PDSS2: variants seen among roughly 807,000 people sequenced by gnomAD.
PDSS2 encodes decaprenyl diphosphate synthase subunit 2.
Under a neutral mutation model 44.5 loss-of-function variants are expected in PDSS2, and 31 were observed. That is an observed-to-expected ratio of 0.70 (90% CI 0.52 to 0.94). The LOEUF is 0.94. Among genes scored for constraint, PDSS2 ranks in the 40% least tolerant of loss-of-function variants. The pLI is 0.00. For synonymous variants in PDSS2, 157 were observed against 180.3 expected (o/e 0.87, Z 1.03); for missense variants, 452 against 482.2 (o/e 0.94, Z 0.59).
chr6:107,254,244 G>T (rs1774929191), intron 3 of PDSS2, among the ~76,000 whole-genome samples: 1 of 151,826 alleles, frequency 6.6e-6, no homozygotes, highest in Non-Finnish European at 1.5e-5. Context: ...ATGTTGGTCA[G>T]GCTGGTCTTG....
chr6:107,281,487 C>T (rs940761084), intron 2 of PDSS2, among the ~76,000 whole-genome samples: 1 of 152,164 alleles, frequency 6.6e-6, no homozygotes, highest in Admixed American at 6.5e-5. Context: ...GTTCATAATT[C>T]TGCACTCTGG....
At chr6:107,195,214 C>T (rs948306631) in intron 6 of PDSS2, among the ~76,000 whole-genome samples, 3 of 152,006 alleles carry the variant, frequency 2.0e-5, no homozygotes, top group Non-Finnish European at 2.9e-5. Flanking sequence ...GGCACAGTGG[C>T]TCATGCGTGT....
chr6:107,262,277 C>T (rs1007477492), intron 3 of PDSS2, among the ~76,000 whole-genome samples: 2 of 152,090 alleles, frequency 1.3e-5, no homozygotes, highest in Admixed American at 1.3e-4. Context: ...TTAATTTCAC[C>T]TCACGTAATC....
intron 1 of PDSS2, among the ~76,000 whole-genome samples, chr6:107,372,701 C>T (rs568326934): frequency 6.6e-6 from 1 of 152,300 alleles, no homozygotes; most frequent in East Asian, 1.9e-4. Flanking sequence ...ATCTGCCCGC[C>T]TCGGCCTCCC....
intron 1 of PDSS2, among the ~76,000 whole-genome samples, chr6:107,446,527 G>C (rs919328560): frequency 2.6e-5 from 4 of 152,074 alleles, no homozygotes; most frequent in African/African-American, 9.7e-5. Flanking sequence ...GGTGTATAGA[G>C]TTCTTTGCAA....
chr6:107,286,136 T>TAAAATAAATAA (rs67225192), intron 2 of PDSS2, among the ~76,000 whole-genome samples: 1 of 128,744 alleles, frequency 7.8e-6, no homozygotes, highest in African/African-American at 3.1e-5. Context: ...CGTCGCAAAA[T>TAAAATAAATAA]AAAAAAAAAA....
rs953852742 is a variant in PDSS2 at position 107,186,755 on chromosome 6, T to C, written c.1041+7067A>G. ...TTAGTTTGCTGAGAATGATGGCTTC[T>C]AGCTTCATCCGTATCCCTGCAAAGG... On this transcript the variant is annotated intron_variant, in intron 7 of 7. Transcript: ENST00000369037. Among the ~76,000 whole-genome samples the C allele has an allele frequency of 3.9e-5, 6 of 152,186 alleles. 1 individual carries two copies. The highest frequency in any genetic ancestry group is 1.2e-4 in the African/African-American group (5 of 41,442).
At chr6:107,442,160 T>C (rs1416008794) in intron 1 of PDSS2, among the ~76,000 whole-genome samples, 1 of 152,208 alleles carries the variant, frequency 6.6e-6, no homozygotes, top group Non-Finnish European at 1.5e-5. Context: ...CTCACACCTG[T>C]AATCCCAACA....
intron 2 of PDSS2, among the ~76,000 whole-genome samples, chr6:107,288,784 G>C (rs1776245163): frequency 8.5e-6 from 1 of 117,718 alleles, no homozygotes; most frequent in Non-Finnish European, 1.6e-5. Context: ...TTTTGAGACA[G>C]AGTCTTGCTT....
chr6:107,335,992 GGT>G (rs1777874815), intron 1 of PDSS2, among the ~76,000 whole-genome samples: 1 of 131,136 alleles, frequency 7.6e-6, no homozygotes, highest in Admixed American at 8.0e-5. Context: ...GGTTGGGTAT[GGT>G]GGCTCATGCC....
intron 7 of PDSS2, among the ~76,000 whole-genome samples, chr6:107,162,649 T>C (rs9480742): frequency 0.44 from 59,390 of 135,070 alleles, 13,626 homozygotes; most frequent in African/African-American, 0.57. Context: ...ACTCTGCCAC[T>C]CAGGCTAGAG....
Position 107,224,345 on chromosome 6 carries a change from C to T in PDSS2, c.703-12063G>A, listed in dbSNP as rs372323060. Among the ~76,000 whole-genome samples, 76 of 151,426 alleles carry T rather than the reference C, an allele frequency of 5.0e-4. 3 individuals carry two copies. The highest frequency in any genetic ancestry group is 1.7e-3 in the African/African-American group (70 of 40,762). On this transcript the variant is annotated intron_variant, in intron 4 of 7. Transcript: ENST00000369037. ...GAAAGGATATATCATCCAATTCTAGCCTAAGAGATATGAGGGAAATCCACC... is the reference window on the plus strand; with the variant it reads ...GAAAGGATATATCATCCAATTCTAGTCTAAGAGATATGAGGGAAATCCACC...
chr6:107,189,621 G>A lies in PDSS2; in HGVS notation c.1041+4201C>T, dbSNP rs187181881. ...CAAAGTGCTGCGATTACAGGTGTGA[G>A]CCACTGTGCCCGGCCCCAGCCAGGT... On this transcript the variant is annotated intron_variant, in intron 7 of 7. Transcript: ENST00000369037. 2.0e-5 allele frequency among the ~76,000 whole-genome samples: 3 copies of A among 152,322 alleles called. No homozygotes were observed. The East Asian group carries it at 5.8e-4, about 29-fold the overall frequency.
At chr6:107,253,363 G>T (rs912477917) in intron 3 of PDSS2, among the ~76,000 whole-genome samples, 1 of 152,194 alleles carries the variant, frequency 6.6e-6, no homozygotes, top group Non-Finnish European at 1.5e-5. Flanking sequence ...ATCACTAAGG[G>T]ACCATGTCTA....
intron 6 of PDSS2, among the ~76,000 whole-genome samples, chr6:107,206,323 C>T (rs1262634515): frequency 4.6e-5 from 7 of 152,184 alleles, no homozygotes; most frequent in South Asian, 2.1e-4. Flanking sequence ...CCGCCCACCT[C>T]GGCCTCCCAA....
At chr6:107,232,218 T>A (rs1014039572) in intron 4 of PDSS2, among the ~76,000 whole-genome samples, 4 of 152,216 alleles carry the variant, frequency 2.6e-5, no homozygotes, top group South Asian at 2.1e-4. Flanking sequence ...CAAAGCACCT[T>A]CATGTTTATA....
In PDSS2 at chr6:107,182,840, G is replaced by A. The variant is rs114758903; in HGVS notation, c.1041+10982C>T. Among the ~76,000 whole-genome samples, 788 of 152,260 alleles carry A rather than the reference G, an allele frequency of 5.2e-3. 5 individuals are homozygous for A. Among genetic ancestry groups the A allele is most frequent in the African/African-American group, 0.017 (708 of 41,552 alleles). ...ACTATTGCTGCAAAGAAAAACAGGT[G>A]TCTGAAATGTAGTTGCCAAGAGAAA... is the stretch of plus-strand genomic sequence containing the variant. On this transcript the variant is annotated intron_variant, in intron 7 of 7. Transcript: ENST00000369037.
At chr6:107,413,427 C>G (rs1314115507) in intron 1 of PDSS2, among the ~76,000 whole-genome samples, 1 of 152,168 alleles carries the variant, frequency 6.6e-6, no homozygotes, top group African/African-American at 2.4e-5. Flanking sequence ...TCCCAGCTAC[C>G]TGGGAGGCTG....
chr6:107,349,553 A>G (rs1251262673), intron 1 of PDSS2, among the ~76,000 whole-genome samples: 1 of 152,096 alleles, frequency 6.6e-6, no homozygotes, highest in Non-Finnish European at 1.5e-5. Flanking sequence ...GTTCGAGATC[A>G]GCCTGGCCAA....
Sources: gnomAD v4.1 joint callset for allele counts (sites outside exome capture counted in the v4.1 genomes callset) on GRCh38, gnomAD v4.1.1 for gene constraint, MANE v1.5 for transcripts, NCBI Gene and HGNC (gene_info 2026-07-23, HGNC 2026-07-21) for gene names.